Variants in CADPS observed in about 807,000 individuals in gnomAD.
The protein encoded by CADPS is calcium-dependent secretion activator 1.
Under a neutral mutation model 167.3 loss-of-function variants are expected in CADPS, and 57 were observed. The ratio of observed to expected loss-of-function variants is 0.34; its 90% CI spans 0.28 to 0.42. CADPS has a LOEUF of 0.42. Among genes scored for constraint, CADPS ranks in the 20% least tolerant of loss-of-function variants. CADPS has a pLI of 1.00. For synonymous variants in CADPS, 676 were observed against 635.3 expected (o/e 1.06, Z -0.96); for missense variants, 1,414 against 1,738.1 (o/e 0.81, Z 3.32).
chr3:62,563,726 C>T (rs112076073), intron 9 of CADPS, among the ~76,000 whole-genome samples: 14,205 of 151,998 alleles, frequency 0.093, 1,403 homozygotes, highest in African/African-American at 0.25. Context: ...CAAAGTCCAT[C>T]GTATTATTGT....
intron 6 of CADPS, among the ~76,000 whole-genome samples, chr3:62,603,392 T>G (rs1027577667): frequency 1.7e-4 from 26 of 152,234 alleles, no homozygotes; most frequent in African/African-American, 6.3e-4. Context: ...CAAGTCCATC[T>G]TACTTATTGT....
At chr3:62,860,808 A>G (rs1234101436) in intron 1 of CADPS, among the ~76,000 whole-genome samples, 1 of 152,194 alleles carries the variant, frequency 6.6e-6, no homozygotes, top group Non-Finnish European at 1.5e-5. Flanking sequence ...CATGTGGTCC[A>G]TACAATAACT....
intron 3 of CADPS, among the ~76,000 whole-genome samples, chr3:62,737,810 A>C (rs1031049503): frequency 7.9e-5 from 12 of 152,078 alleles, no homozygotes; most frequent in Non-Finnish European, 1.6e-4. Context: ...CTGTTCCTTC[A>C]TTTCCATCAG....
chr3:62,602,468 G>C lies in CADPS; in HGVS notation c.1326-9720C>G, dbSNP rs779915652. On this transcript the variant is annotated intron_variant, in intron 6 of 29. Transcript: ENST00000383710. The surrounding 1 kb of genome is among the most constrained non-coding windows in gnomAD (Gnocchi z 4.4). ...CAAGGAATGAAAGTGCCGTGGTCCTGTTGCTAAGAAGGAAAGTTAATAATT... is the reference window on the plus strand; with the variant it reads ...CAAGGAATGAAAGTGCCGTGGTCCTCTTGCTAAGAAGGAAAGTTAATAATT... Among the ~76,000 whole-genome samples, 2 of 152,146 alleles carry C rather than the reference G, an allele frequency of 1.3e-5. No individual in the cohort carries two copies. Among genetic ancestry groups the C allele is most frequent in the African/African-American group, 2.4e-5 (1 of 41,422 alleles).
rs1042476616 is a variant in CADPS, at chr3:62,421,636, C to T, written c.3777+16468G>A. Among the ~76,000 whole-genome samples the T allele has an allele frequency of 6.6e-6, 1 of 152,222 alleles. No homozygotes were observed. Among genetic ancestry groups the T allele is most frequent in the African/African-American group, 2.4e-5 (1 of 41,466 alleles). Reference sequence around the variant, plus strand: ...TTTGATTGGCTTCGTTCCCCCACCCCTCCTGACGCTTCCCCCTTTTCCCCC... The same window carrying T: ...TTTGATTGGCTTCGTTCCCCCACCCTTCCTGACGCTTCCCCCTTTTCCCCC... On this transcript the variant is annotated intron_variant, in intron 28 of 29. Coordinates refer to ENST00000383710, the MANE Select transcript of CADPS (RefSeq NM_003716.4). This position sits in a 1 kb window ranked among gnomAD's most constrained non-coding sequence, Gnocchi z 4.7.
intron 3 of CADPS, among the ~76,000 whole-genome samples, chr3:62,681,835 T>C (rs930920029): frequency 1.2e-4 from 18 of 152,056 alleles, no homozygotes. Context: ...ATTCTACATT[T>C]CATTTCAGAC....
intron 3 of CADPS, among the ~76,000 whole-genome samples, chr3:62,708,795 T>G (rs558827829): frequency 6.6e-6 from 1 of 152,026 alleles, no homozygotes; most frequent in African/African-American, 2.4e-5. Context: ...TGAGCAGCTG[T>G]GACATCTGCA....
At chr3:62,403,284 G>A (rs1431740808) in intron 28 of CADPS, 99 bp from the exon 29 acceptor site, 1 of 759,452 alleles carries the variant, frequency 1.3e-6, no homozygotes, top group African/African-American at 1.8e-5. Context: ...TCTGTTCCAG[G>A]AGGAAACAAA....
At chr3:62,604,821 TC>T (rs2060467639) in intron 6 of CADPS, among the ~76,000 whole-genome samples, 1 of 152,194 alleles carries the variant, frequency 6.6e-6, no homozygotes, top group Non-Finnish European at 1.5e-5. Context: ...TATTCTTAGT[TC>T]CTGAGTATCT....
At chr3:62,553,625 G>A (rs1167039487) in intron 10 of CADPS, among the ~76,000 whole-genome samples, 1 of 152,182 alleles carries the variant, frequency 6.6e-6, no homozygotes, top group Non-Finnish European at 1.5e-5. Flanking sequence ...TAAGGGCAAA[G>A]AGAAACATCT....
intron 6 of CADPS, among the ~76,000 whole-genome samples, chr3:62,606,331 G>C (rs973288304): frequency 5.3e-5 from 8 of 152,182 alleles, no homozygotes; most frequent in African/African-American, 1.9e-4. Context: ...CACATCAATA[G>C]ATTAATCTAT....
intron 1 of CADPS, among the ~76,000 whole-genome samples, chr3:62,853,965 A>C (rs1235760639): frequency 6.6e-6 from 1 of 152,158 alleles, no homozygotes; most frequent in Non-Finnish European, 1.5e-5. Flanking sequence ...CATTAAAATA[A>C]ATAAATAAAT....
rs541081417 is a variant in CADPS, at chr3:62,538,810, C to A, written c.1967-2229G>T. 3.3e-5 allele frequency among the ~76,000 whole-genome samples: 5 copies of A among 152,242 alleles called. No individual in the cohort carries two copies. In the East Asian group the frequency reaches 9.7e-4, roughly 29 times the overall value. ...TTTGTTGAAACTCTTGAAAACTTTG[C>A]TGATGACCTATTTCACTTTGCTGGC... On this transcript the variant is annotated intron_variant, in intron 11 of 29. Transcript: ENST00000383710.
At chr3:62,822,196 A>G (rs1381948966) in intron 1 of CADPS, among the ~76,000 whole-genome samples, 1 of 152,186 alleles carries the variant, frequency 6.6e-6, no homozygotes, top group Non-Finnish European at 1.5e-5. Context: ...ATGCTATCAT[A>G]TTAACAGGTT....
intron 21 of CADPS, among the ~76,000 whole-genome samples, chr3:62,485,411 C>T (rs6774533): frequency 0.71 from 108,038 of 152,032 alleles, 38,462 homozygotes; most frequent in African/African-American, 0.77. Context: ...TTTTGAAATC[C>T]TGCTCTCAAG....
At chr3:62,749,632 G>A (rs1174928868) in intron 3 of CADPS, among the ~76,000 whole-genome samples, 1 of 152,220 alleles carries the variant, frequency 6.6e-6, no homozygotes, top group East Asian at 1.9e-4. Context: ...GCTGAGTGTA[G>A]TCTGCCAGAA....
chr3:62,812,103 T>A (rs1212946984), intron 1 of CADPS, among the ~76,000 whole-genome samples: 1 of 152,168 alleles, frequency 6.6e-6, no homozygotes, highest in Non-Finnish European at 1.5e-5. Context: ...GCAAAATACA[T>A]AATTATATAC....
intron 1 of CADPS, among the ~76,000 whole-genome samples, chr3:62,870,925 A>C (rs920152932): frequency 1.3e-5 from 2 of 152,158 alleles, no homozygotes; most frequent in Admixed American, 6.5e-5. Flanking sequence ...TTCTGACAAA[A>C]GAAGAAGAAA....
At chr3:62,840,965 CTAA>C (rs2076571898) in intron 1 of CADPS, among the ~76,000 whole-genome samples, 1 of 152,162 alleles carries the variant, frequency 6.6e-6, no homozygotes, top group South Asian at 2.1e-4. Context: ...TCTTGTCGTA[CTAA>C]TAATCTTGGT....
Sources: allele counts gnomAD v4.1 joint callset (sites outside exome capture counted in the v4.1 genomes callset), GRCh38; gene constraint gnomAD v4.1.1; non-coding constraint Gnocchi (gnomAD v3.1); transcripts MANE v1.5; gene names NCBI Gene and HGNC (gene_info 2026-07-23, HGNC 2026-07-21).